Variants in DSCAM observed in about 807,000 individuals in gnomAD.
DSCAM encodes cell adhesion molecule DSCAM.
A neutral mutation model predicts 217.7 loss-of-function variants in DSCAM; 47 were observed. That is an observed-to-expected ratio of 0.22 (90% CI 0.17 to 0.28). The LOEUF (loss-of-function observed/expected upper bound fraction) is 0.28. DSCAM is among the 10% of genes least tolerant of loss of function. The pLI is 1.00. For missense variants in DSCAM, 2,080 were observed against 2,618.3 expected (o/e 0.79, Z 4.49); for synonymous variants, 1,056 against 1,015.3 (o/e 1.04, Z -0.76).
chr21:40,685,324 G>A (rs1397491337), intron 3 of DSCAM, among the ~76,000 whole-genome samples: 1 of 152,148 alleles, frequency 6.6e-6, no homozygotes, highest in Non-Finnish European at 1.5e-5. Context: ...CTAGGATATT[G>A]GCAGCGTTCC....
chr21:40,033,468 A>G (rs2410203), intron 32 of DSCAM, among the ~76,000 whole-genome samples: 105,068 of 151,624 alleles, frequency 0.69, 36,607 homozygotes, highest in African/African-American at 0.73. Flanking sequence ...TTTTCTGACG[A>G]GCTTAAAACA....
chr21:40,106,117 G>T (rs79340435), intron 20 of DSCAM, among the ~76,000 whole-genome samples: 3,140 of 152,256 alleles, frequency 0.021, 106 homozygotes, highest in African/African-American at 0.072. Context: ...AGGAGCAAAG[G>T]CATGTTTTAC....
intron 14 of DSCAM, among the ~76,000 whole-genome samples, chr21:40,184,027 G>C (rs2090867790): frequency 6.6e-6 from 1 of 152,120 alleles, no homozygotes; most frequent in Admixed American, 6.5e-5. Context: ...GGCCCATAGG[G>C]GGACAACTGT....
intron 11 of DSCAM, among the ~76,000 whole-genome samples, chr21:40,226,905 T>A (rs965346596): frequency 6.6e-6 from 1 of 152,084 alleles, no homozygotes; most frequent in African/African-American, 2.4e-5. Flanking sequence ...CCTCCCACCA[T>A]CCACCCTCCA....
chr21:40,149,635 G>T (rs112696804), intron 16 of DSCAM, among the ~76,000 whole-genome samples: 1 of 60,562 alleles, frequency 1.7e-5, no homozygotes, highest in East Asian at 5.7e-4. Flanking sequence ...CAACACCACC[G>T]TCACTATCAC....
intron 30 of DSCAM, among the ~76,000 whole-genome samples, chr21:40,046,465 G>T (rs2088842284): frequency 6.6e-6 from 1 of 151,992 alleles, no homozygotes; most frequent in African/African-American, 2.4e-5. Context: ...TTATGTTGGA[G>T]CTCTACACAA....
chr21:40,047,217 T>C (rs909329114), intron 30 of DSCAM, among the ~76,000 whole-genome samples: 2 of 152,154 alleles, frequency 1.3e-5, no homozygotes, highest in Non-Finnish European at 2.9e-5. Flanking sequence ...TTTGGAGCCA[T>C]TGTTTTGTAC....
chr21:40,577,559 G>A (rs1171351208), intron 3 of DSCAM, among the ~76,000 whole-genome samples: 3 of 151,576 alleles, frequency 2.0e-5, no homozygotes, highest in Non-Finnish European at 2.9e-5. Context: ...GTTGTATCCA[G>A]GCAAGTCAGA....
chr21:40,073,542 T>C (rs2089324626), intron 27 of DSCAM, among the ~76,000 whole-genome samples: 1 of 152,206 alleles, frequency 6.6e-6, no homozygotes, highest in South Asian at 2.1e-4. Flanking sequence ...GTCCACATTA[T>C]ATGGAACTTC....
chr21:40,577,808 C>T (rs764371163), intron 3 of DSCAM, among the ~76,000 whole-genome samples: 26 of 152,282 alleles, frequency 1.7e-4, no homozygotes, highest in Non-Finnish European at 2.8e-4. Flanking sequence ...TTTAAGACTA[C>T]TACAAGGTGA....
intron 3 of DSCAM, among the ~76,000 whole-genome samples, chr21:40,611,225 A>T (rs1217711947): frequency 6.6e-6 from 1 of 151,578 alleles, no homozygotes; most frequent in African/African-American, 2.4e-5. Flanking sequence ...CCCACAGCTA[A>T]TTTTTGTAAT....
At chr21:40,650,970 T>C (rs1350452675) in intron 3 of DSCAM, among the ~76,000 whole-genome samples, 1 of 152,108 alleles carries the variant, frequency 6.6e-6, no homozygotes, top group Non-Finnish European at 1.5e-5. Flanking sequence ...GGCAGGAGCT[T>C]GGTTTAGGAG....
At chr21:40,604,624 T>C (rs2089207920) in intron 3 of DSCAM, among the ~76,000 whole-genome samples, 1 of 152,212 alleles carries the variant, frequency 6.6e-6, no homozygotes, top group African/African-American at 2.4e-5. Flanking sequence ...CTTTAGTTTC[T>C]TTATCTCACT....
chr21:40,247,108 C>A (rs893985435), intron 11 of DSCAM, among the ~76,000 whole-genome samples: 2 of 152,098 alleles, frequency 1.3e-5, no homozygotes, highest in Non-Finnish European at 2.9e-5. Context: ...GCATGTGAAA[C>A]GCTGACCCCC....
chr21:40,397,996 C>T (rs1378052835), intron 3 of DSCAM, among the ~76,000 whole-genome samples: 3 of 149,652 alleles, frequency 2.0e-5, no homozygotes, highest in African/African-American at 7.7e-5. Context: ...CTAAGAGCAC[C>T]CGGAGCATTA....
chr21:40,070,567 A>G (rs1035645615), intron 27 of DSCAM, among the ~76,000 whole-genome samples: 3 of 152,170 alleles, frequency 2.0e-5, no homozygotes, highest in Non-Finnish European at 2.9e-5. Context: ...ATGCATTAAC[A>G]ATGTGGGCTT....
At chr21:40,509,870 A>G (rs2076244352) in intron 3 of DSCAM, among the ~76,000 whole-genome samples, 1 of 152,172 alleles carries the variant, frequency 6.6e-6, no homozygotes, top group African/African-American at 2.4e-5. Context: ...CATGGCTATA[A>G]TCCCAGCATT....
In DSCAM at chr21:40,331,203, C is replaced by T. The variant is rs576198589; in HGVS notation, c.1783+6898G>A. 3.9e-5 allele frequency among the ~76,000 whole-genome samples: 6 copies of T among 152,248 alleles called. No individual in the cohort carries two copies. The East Asian group carries it at 1.2e-3, about 29-fold the overall frequency. On this transcript the variant is annotated intron_variant, in intron 8 of 32. Transcript: ENST00000400454. ...AGAATGAAAGACCTTTCCTTGCCAA[C>T]AGAGTTGGGTTTGGAATTCAGTGGA...
chr21:40,766,546 G>A (rs561280455), intron 1 of DSCAM, among the ~76,000 whole-genome samples: 1 of 151,534 alleles, frequency 6.6e-6, no homozygotes, highest in Non-Finnish European at 1.5e-5. Context: ...GAAAGAAAAT[G>A]CTTGCTAGAA....
Sources: gnomAD v4.1 joint callset for allele counts (sites outside exome capture counted in the v4.1 genomes callset) on GRCh38, gnomAD v4.1.1 for gene constraint, MANE v1.5 for transcripts, NCBI Gene and HGNC (gene_info 2026-07-23, HGNC 2026-07-21) for gene names.